The following PRR33 variants were observed in gnomAD, a reference collection of about 807,000 sequenced individuals.
The protein encoded by PRR33 is proline-rich protein 33.
In PRR33, 1 loss-of-function variant was observed where a neutral mutation model predicts 0.5. The ratio of observed to expected loss-of-function variants is 2.18; its 90% confidence interval spans 0.77 to 10.34. PRR33 has a LOEUF of 10.34. PRR33 is among the 30% of genes most tolerant of loss of function. The probability of loss-of-function intolerance (pLI) is 0.13; values close to 1 mark genes in which losing one functional copy is unlikely to be tolerated. For synonymous variants in PRR33, 226 were observed against 110.0 expected (o/e 2.06, Z -6.60); for missense variants, 552 against 251.8 (o/e 2.19, Z -8.07).
At chr11:1,888,794 C>T in exon 1 of PRR33, 1 of 235,620 alleles carries the variant, frequency 4.2e-6, no homozygotes, top group Non-Finnish European at 8.2e-6. Flanking sequence ...GAGGCCCAGG[C>T]CCCTGAGGAG....
At chr11:1,917,178 G>T in the PRR33 span, among the ~76,000 whole-genome samples, 2 of 152,194 alleles carry the variant, frequency 1.3e-5, no homozygotes, top group Non-Finnish European at 2.9e-5. Flanking sequence ...CAGCTGGGCC[G>T]AGCGGCCTCA....
chr11:1,889,477 T>C (rs613638), exon 1 of PRR33: 601,375 of 620,456 alleles, frequency 0.97, 291,489 homozygotes, highest in East Asian at 1. Context: ...TCTGTGGGGG[T>C]GGGCACCTCT....
the PRR33 span, chr11:1,907,694 G>T: frequency 6.6e-6 from 1 of 152,118 alleles, no homozygotes; most frequent in Non-Finnish European, 1.5e-5. Flanking sequence ...GATAACAAGC[G>T]TGAGCCACCG....
At chr11:1,895,739 C>A (rs139687454), upstream of PRR33, among the ~76,000 whole-genome samples, 18 of 152,276 alleles carry the variant, frequency 1.2e-4, no homozygotes, top group Admixed American at 9.2e-4. Context: ...GCAAATTATT[C>A]TTCTTTTTCT....
At chr11:1,901,587 C>G in the PRR33 span, among the ~76,000 whole-genome samples, 1 of 152,118 alleles carries the variant, frequency 6.6e-6, no homozygotes, top group Admixed American at 6.5e-5. Flanking sequence ...CAATCGTTAG[C>G]TAGGGAACAA....
At chr11:1,900,682 C>G in the PRR33 span, among the ~76,000 whole-genome samples, 1 of 152,196 alleles carries the variant, frequency 6.6e-6, no homozygotes, top group East Asian at 1.9e-4. Flanking sequence ...CCTACAATAA[C>G]TTAACTGTAA....
upstream of PRR33, among the ~76,000 whole-genome samples, chr11:1,894,287 G>T (rs1849100854): frequency 6.6e-6 from 1 of 151,610 alleles, no homozygotes; most frequent in African/African-American, 2.4e-5. Context: ...GGCTGGGAGT[G>T]CAGTGGCACA....
At chr11:1,893,556 G>A (rs1003300243), upstream of PRR33, among the ~76,000 whole-genome samples, 2 of 144,276 alleles carry the variant, frequency 1.4e-5, no homozygotes, top group Non-Finnish European at 3.0e-5. Flanking sequence ...GGGATGGCTG[G>A]ATGAATGGAC....
the PRR33 span, among the ~76,000 whole-genome samples, chr11:1,901,116 C>T: frequency 6.6e-6 from 1 of 152,144 alleles, no homozygotes; most frequent in African/African-American, 2.4e-5. Context: ...TCCAGACCAG[C>T]CTGGCCAATA....
chr11:1,905,122 CTTT>C, the PRR33 span, among the ~76,000 whole-genome samples: 3,114 of 96,524 alleles, frequency 0.032, 38 homozygotes, highest in Middle Eastern at 0.07. Flanking sequence ...CTTGAGAATT[CTTT>C]TTTTTTTTTT....
the PRR33 span, among the ~76,000 whole-genome samples, chr11:1,897,579 T>C: frequency 2.0e-5 from 3 of 152,190 alleles, no homozygotes; most frequent in Non-Finnish European, 4.4e-5. This position sits in a 1 kb window ranked among gnomAD's most constrained non-coding sequence, Gnocchi z 4.0. Context: ...GGGAGCTCAG[T>C]CCAAAACAAT....
At chr11:1,898,285 A>G in the PRR33 span, among the ~76,000 whole-genome samples, 2 of 150,888 alleles carry the variant, frequency 1.3e-5, no homozygotes, top group Non-Finnish European at 2.9e-5. Context: ...GCTGGAGTGC[A>G]GCGGCGCCAG....
the PRR33 span, among the ~76,000 whole-genome samples, chr11:1,896,944 G>A: frequency 1.3e-5 from 2 of 152,192 alleles, no homozygotes; most frequent in African/African-American, 4.8e-5. Context: ...AGAACCACTC[G>A]CTAATGGGGC....
chr11:1,913,283 C>T, the PRR33 span, among the ~76,000 whole-genome samples: 5 of 149,730 alleles, frequency 3.3e-5, no homozygotes, highest in African/African-American at 9.8e-5. Flanking sequence ...CCCACCACCA[C>T]GCCCAGCTAA....
chr11:1,899,530 G>A, the PRR33 span, among the ~76,000 whole-genome samples: 4 of 152,122 alleles, frequency 2.6e-5, no homozygotes, highest in Non-Finnish European at 5.9e-5. Flanking sequence ...GTTGAGGAGT[G>A]GAAGATACAT....
chr11:1,902,271 C>T, the PRR33 span, among the ~76,000 whole-genome samples: 1 of 151,886 alleles, frequency 6.6e-6, no homozygotes, highest in Non-Finnish European at 1.5e-5. Context: ...TCACACCAAC[C>T]TGTGGATAGG....
the PRR33 span, among the ~76,000 whole-genome samples, chr11:1,906,047 A>C: frequency 9.6e-5 from 14 of 145,876 alleles, no homozygotes; most frequent in East Asian, 1.8e-3. Context: ...GCTGGTCTTG[A>C]ACTCCTGGAC....
chr11:1,889,694 G>A (rs1482400741), exon 1 of PRR33: 2 of 639,130 alleles, frequency 3.1e-6, no homozygotes, highest in Admixed American at 5.4e-5. Context: ...CAGCCATCGG[G>A]GGCTCCTCCA....
At chr11:1,901,899 T>G in the PRR33 span, among the ~76,000 whole-genome samples, 4 of 152,174 alleles carry the variant, frequency 2.6e-5, no homozygotes, top group Admixed American at 6.5e-5. Context: ...GTCAGAAAGG[T>G]GCATTTTAGT....
Sources: gnomAD v4.1 joint callset for allele counts (sites outside exome capture counted in the v4.1 genomes callset) on GRCh38, gnomAD v4.1.1 for gene constraint, Gnocchi (gnomAD v3.1) non-coding constraint, MANE v1.5 for transcripts, NCBI Gene and HGNC (gene_info 2026-07-23, HGNC 2026-07-21) for gene names.